Variants in RBFOX1 observed in about 807,000 individuals in gnomAD.
RBFOX1 encodes the protein RNA binding fox-1 homolog 1, also known as RNA binding protein fox-1 homolog 1.
In RBFOX1, 8 loss-of-function variants were observed where a neutral mutation model predicts 57.7. The observed-to-expected ratio is 0.14, with a 90% CI of 0.08 to 0.25. RBFOX1 has a LOEUF of 0.25. RBFOX1 is among the 10% of genes least tolerant of loss of function. RBFOX1 has a pLI of 1.00. For synonymous variants in RBFOX1, 326 were observed against 222.4 expected (o/e 1.47, Z -4.15); for missense variants, 611 against 548.5 (o/e 1.11, Z -1.14).
intron 4 of RBFOX1, among the ~76,000 whole-genome samples, chr16:7,107,062 A>G (rs574393389): frequency 6.6e-6 from 1 of 152,072 alleles, no homozygotes; most frequent in Non-Finnish European, 1.5e-5. Context: ...ATGTCAGGAA[A>G]TACTTCTATA....
Position 5,511,027 on chromosome 16 carries a change from A to G in RBFOX1, c.258+43773A>G, listed in dbSNP as rs78952731. ...ACTTACGTCATTGCTGAAAATGAGG[A>G]GGTCCTTTGGAAGGAAGGAGAGTCA... On this transcript the variant is annotated intron_variant, in intron 2 of 2. Coordinates refer to the RBFOX1 transcript ENST00000585867. 1.9e-4 allele frequency among the ~76,000 whole-genome samples: 29 copies of G among 152,234 alleles called. No individual in the cohort carries two copies. The East Asian group carries it at 5.6e-3, about 29-fold the overall frequency.
intron 1 of RBFOX1, among the ~76,000 whole-genome samples, chr16:5,392,607 C>A (rs181122455): frequency 1.3e-5 from 2 of 151,150 alleles, no homozygotes; most frequent in African/African-American, 4.9e-5. Context: ...GGTGCAATCA[C>A]GACTCACTGA....
intron 4 of RBFOX1, among the ~76,000 whole-genome samples, chr16:6,004,702 G>A (rs1046584517): frequency 6.6e-6 from 1 of 152,168 alleles, no homozygotes; most frequent in Non-Finnish European, 1.5e-5. Flanking sequence ...TGACTTTAGA[G>A]GTCCTCATCA....
At chr16:5,783,649 A>G (rs2054399223) in intron 3 of RBFOX1, among the ~76,000 whole-genome samples, 1 of 152,182 alleles carries the variant, frequency 6.6e-6, no homozygotes, top group African/African-American at 2.4e-5. Context: ...TAAAAATTTA[A>G]TGATACCCCA....
chr16:6,074,167 C>G lies in RBFOX1; in HGVS notation c.-127+54175C>G, dbSNP rs140839809. Among the ~76,000 whole-genome samples the G allele has an allele frequency of 3.1e-3, 470 of 152,246 alleles. 2 individuals carry two copies. Among genetic ancestry groups the G allele is most frequent in the African/African-American group, 0.01 (435 of 41,524 alleles). On this transcript the variant is annotated intron_variant, in intron 1 of 15. Coordinates refer to ENST00000550418, the MANE Select transcript of RBFOX1 (RefSeq NM_018723.4). ...ATTTCACCATGTTAGCCATCATGGT[C>G]TTGACCTTCTGACCTTGTGATCCGC...
chr16:7,700,068 CCTGCTTGTTTTGTCTTAAT>C (rs2080163790), intron 14 of RBFOX1, among the ~76,000 whole-genome samples: 1 of 152,122 alleles, frequency 6.6e-6, no homozygotes, highest in Non-Finnish European at 1.5e-5. Flanking sequence ...TACTTCTCAA[CCTGCTTGTTTTGTCTTAAT>C]CTTTGATCTG....
intron 3 of RBFOX1, among the ~76,000 whole-genome samples, chr16:6,778,049 T>C (rs574680613): frequency 2.0e-5 from 3 of 152,260 alleles, no homozygotes; most frequent in East Asian, 3.9e-4. Flanking sequence ...GGATAAATCT[T>C]GTCATTTCAA....
intron 3 of RBFOX1, among the ~76,000 whole-genome samples, chr16:7,005,117 C>T (rs1032319476): frequency 1.1e-4 from 17 of 152,108 alleles, no homozygotes; most frequent in African/African-American, 4.1e-4. Context: ...GCACTCCAGC[C>T]TGGGTGACAA....
Position 7,295,239 on chromosome 16 carries a change from C to G in RBFOX1, c.28-222908C>G, listed in dbSNP as rs563199691. 3.3e-5 allele frequency among the ~76,000 whole-genome samples: 5 copies of G among 152,146 alleles called. No homozygotes were observed. In the East Asian group the frequency reaches 5.8e-4, roughly 18 times the overall value. ...GGCAGAAAGGTGATGTGTATGATGTCTATACATTTTTGTATAGTGCCATGT... is the reference window on the plus strand; with the variant it reads ...GGCAGAAAGGTGATGTGTATGATGTGTATACATTTTTGTATAGTGCCATGT... On this transcript the variant is annotated intron_variant, in intron 4 of 15. Coordinates refer to ENST00000550418, the MANE Select transcript of RBFOX1 (RefSeq NM_018723.4).
intron 4 of RBFOX1, among the ~76,000 whole-genome samples, chr16:7,076,405 A>G (rs1598817139): frequency 6.6e-6 from 1 of 152,118 alleles, no homozygotes; most frequent in African/African-American, 2.4e-5. Flanking sequence ...AAAACCAGCA[A>G]AAGAAAAGAC....
At chr16:5,329,598 T>C (rs1596537663) in intron 1 of RBFOX1, among the ~76,000 whole-genome samples, 1 of 152,222 alleles carries the variant, frequency 6.6e-6, no homozygotes, top group South Asian at 2.1e-4. Flanking sequence ...TTATTCAAGT[T>C]TACTGTCTTA....
chr16:6,613,053 G>C (rs961969472), intron 2 of RBFOX1, among the ~76,000 whole-genome samples: 1 of 149,688 alleles, frequency 6.7e-6, no homozygotes, highest in African/African-American at 2.5e-5. Flanking sequence ...GAGTGTGTGT[G>C]TGTGTTTTGG....
At chr16:5,460,041 A>G (rs2068743829) in intron 1 of RBFOX1, among the ~76,000 whole-genome samples, 2 of 152,130 alleles carry the variant, frequency 1.3e-5, no homozygotes, top group South Asian at 2.1e-4. Context: ...TCTGTTTCCT[A>G]AAAGTCAATG....
chr16:7,170,057 G>C (rs2152449303), intron 4 of RBFOX1, among the ~76,000 whole-genome samples: 1 of 152,290 alleles, frequency 6.6e-6, no homozygotes, highest in African/African-American at 2.4e-5. Flanking sequence ...CTAGGTGATA[G>C]AGGAAGACCC....
intron 2 of RBFOX1, among the ~76,000 whole-genome samples, chr16:6,330,264 G>C (rs2082855670): frequency 2.0e-5 from 3 of 152,172 alleles, no homozygotes; most frequent in Admixed American, 6.5e-5. Flanking sequence ...CCTGCGTAGT[G>C]GTGGCTGAAA....
intron 4 of RBFOX1, among the ~76,000 whole-genome samples, chr16:7,517,474 G>T (rs2076614730): frequency 6.6e-6 from 1 of 151,828 alleles, no homozygotes; most frequent in South Asian, 2.1e-4. Context: ...GACAGTCTTT[G>T]TCCAAATTAG....
At chr16:6,863,008 C>T (rs534854648) in intron 3 of RBFOX1, among the ~76,000 whole-genome samples, 2 of 151,584 alleles carry the variant, frequency 1.3e-5, no homozygotes, top group East Asian at 1.9e-4. Flanking sequence ...GAAGACAGGC[C>T]GCAGCTGATT....
intron 4 of RBFOX1, among the ~76,000 whole-genome samples, chr16:7,253,437 G>T (rs1431816830): frequency 1.3e-5 from 2 of 152,086 alleles, no homozygotes; most frequent in Non-Finnish European, 2.9e-5. Context: ...TGTCCTTAGG[G>T]TAAAGTCTGA....
chr16:7,427,049 G>C (rs150994209), intron 4 of RBFOX1, among the ~76,000 whole-genome samples: 1 of 152,190 alleles, frequency 6.6e-6, no homozygotes, highest in African/African-American at 2.4e-5. Flanking sequence ...TCACTCATAG[G>C]TGGGAACTGA....
Sources: gnomAD v4.1 joint callset for allele counts (sites outside exome capture counted in the v4.1 genomes callset) on GRCh38, gnomAD v4.1.1 for gene constraint, MANE v1.5 for transcripts, NCBI Gene and HGNC (gene_info 2026-07-23, HGNC 2026-07-21) for gene names.